TNS3: variants seen among roughly 807,000 people sequenced by gnomAD.
The protein encoded by TNS3 is tensin-3.
TNS3 carries 45 observed loss-of-function variants against 140.9 expected under a neutral mutation model. The observed-to-expected ratio is 0.32, with a 90% CI of 0.25 to 0.41. The LOEUF is 0.41. Among genes scored for constraint, TNS3 ranks in the 10% least tolerant of loss-of-function variants. The pLI, the probability that TNS3 is intolerant of heterozygous loss-of-function variation, is 1.00. For synonymous variants in TNS3, 815 were observed against 788.4 expected (o/e 1.03, Z -0.56); for missense variants, 1,716 against 1,906.7 (o/e 0.90, Z 1.86).
chr7:47,340,777 A>C (rs1788966204), intron 20 of TNS3, among the ~76,000 whole-genome samples: 1 of 151,730 alleles, frequency 6.6e-6, no homozygotes, highest in African/African-American at 2.4e-5. Context: ...GGACAGTTTT[A>C]TTTCTTTCCT....
chr7:47,408,232 T>G (rs1793555538), intron 13 of TNS3, among the ~76,000 whole-genome samples: 1 of 151,892 alleles, frequency 6.6e-6, no homozygotes, highest in Non-Finnish European at 1.5e-5. Flanking sequence ...TCACGGCCCC[T>G]CTCTGCCCTG....
intron 20 of TNS3, among the ~76,000 whole-genome samples, chr7:47,319,407 G>C (rs1787600889): frequency 6.6e-6 from 1 of 152,032 alleles, no homozygotes; most frequent in Non-Finnish European, 1.5e-5. Context: ...GAGTGATAGA[G>C]AGAGAGACAG....
intron 27 of TNS3, among the ~76,000 whole-genome samples, chr7:47,287,086 A>C (rs1008185198): frequency 1.4e-5 from 2 of 145,976 alleles, no homozygotes; most frequent in African/African-American, 5.0e-5. Context: ...TTAAAACTTA[A>C]AGAACATATA....
At chr7:47,455,607 AC>A (rs1197225865) in intron 4 of TNS3, among the ~76,000 whole-genome samples, 22 of 152,272 alleles carry the variant, frequency 1.4e-4, no homozygotes, top group Admixed American at 6.5e-4. Flanking sequence ...GAGGGGAAAG[AC>A]CAGGATGGAC....
At chr7:47,378,451 C>A (rs1420360285) in intron 16 of TNS3, among the ~76,000 whole-genome samples, 1 of 152,170 alleles carries the variant, frequency 6.6e-6, no homozygotes, top group Non-Finnish European at 1.5e-5. Flanking sequence ...TCCCAGGCAC[C>A]AACTTTGCTA....
At chr7:47,470,419 A>T (rs866834906) in intron 4 of TNS3, 3 of 980,016 alleles carry the variant, frequency 3.1e-6, no homozygotes, top group Non-Finnish European at 3.6e-6. Context: ...TCTGTGCCAT[A>T]AAAGAAAAGA....
At chr7:47,355,214 G>T (rs750817017) in intron 17 of TNS3, among the ~76,000 whole-genome samples, 6 of 152,192 alleles carry the variant, frequency 3.9e-5, no homozygotes, top group Non-Finnish European at 8.8e-5. Context: ...TTCACCACAG[G>T]GTGCAAAAGG....
At chr7:47,312,092 TG>T (rs1177371156) in intron 20 of TNS3, among the ~76,000 whole-genome samples, 2 of 152,180 alleles carry the variant, frequency 1.3e-5, no homozygotes, top group Non-Finnish European at 2.9e-5. Flanking sequence ...GTAAATACCA[TG>T]ACCATCTCAA....
At chr7:47,393,279 AAAAG>A (rs1355376838) in intron 16 of TNS3, among the ~76,000 whole-genome samples, 1 of 152,218 alleles carries the variant, frequency 6.6e-6, no homozygotes, top group East Asian at 1.9e-4. Context: ...AAATGTATGT[AAAAG>A]AAAGAAAGAA....
At chr7:47,442,488 T>A (rs1180237892) in intron 4 of TNS3, among the ~76,000 whole-genome samples, 1 of 152,234 alleles carries the variant, frequency 6.6e-6, no homozygotes, top group East Asian at 1.9e-4. Context: ...AAAGAGCCTA[T>A]TCAACAGGGA....
chr7:47,364,338 C>T (rs1438481386), intron 17 of TNS3, among the ~76,000 whole-genome samples: 2 of 141,448 alleles, frequency 1.4e-5, no homozygotes, highest in African/African-American at 5.4e-5. Flanking sequence ...GGCTGGAGTG[C>T]AGTGCACGGT....
In TNS3 at chr7:47,439,474, G is replaced by T. The variant is rs373038536; in HGVS notation, c.150+13C>A. On this transcript the variant is annotated intron_variant, in intron 6 of 30. Coordinates refer to ENST00000311160, the MANE Select transcript of TNS3 (RefSeq NM_022748.12). ...AGCCTGCCCAAAGGCTCCCAGAGCC[G>T]CCCACCGCTCACCAGGTAGTTGTCC... 1.2e-6 allele frequency: 2 copies of T among 1,612,642 alleles called. No homozygotes were observed. The highest frequency in any genetic ancestry group is 1.7e-5 in the Admixed American group (1 of 59,926).
At chr7:47,349,156 C>T (rs1019937567) in intron 17 of TNS3, among the ~76,000 whole-genome samples, 1 of 152,218 alleles carries the variant, frequency 6.6e-6, no homozygotes, top group East Asian at 1.9e-4. Context: ...TCAATTCTCT[C>T]TCTCCCCAAA....
chr7:47,489,573 G>A (rs1797735801), intron 3 of TNS3, among the ~76,000 whole-genome samples: 1 of 152,226 alleles, frequency 6.6e-6, no homozygotes, highest in Non-Finnish European at 1.5e-5. Context: ...TGGCCCACAA[G>A]GCAGGGCCAG....
intron 25 of TNS3, among the ~76,000 whole-genome samples, chr7:47,293,440 C>A (rs1255615247): frequency 6.6e-6 from 1 of 152,196 alleles, no homozygotes; most frequent in Non-Finnish European, 1.5e-5. Flanking sequence ...GGAGCTCCAA[C>A]CTTCTCAGGA....
chr7:47,519,510 A>T (rs1283528016), intron 2 of TNS3, among the ~76,000 whole-genome samples: 1 of 152,150 alleles, frequency 6.6e-6, no homozygotes, highest in Non-Finnish European at 1.5e-5. Flanking sequence ...ACTCATCACC[A>T]TGTAAACCAG....
At chr7:47,461,922 C>T (rs777893673) in intron 4 of TNS3, among the ~76,000 whole-genome samples, 11 of 152,186 alleles carry the variant, frequency 7.2e-5, no homozygotes, top group Non-Finnish European at 1.3e-4. Context: ...AGCTTTCTTA[C>T]ACTCTGAGGA....
chr7:47,339,396 C>A (rs1267135571), intron 20 of TNS3, among the ~76,000 whole-genome samples: 3 of 152,122 alleles, frequency 2.0e-5, no homozygotes, highest in African/African-American at 4.8e-5. Flanking sequence ...GGTGGCTGTT[C>A]ATTGTTTTGC....
At chr7:47,431,088 A>G (rs1794908253) in intron 8 of TNS3, among the ~76,000 whole-genome samples, 1 of 152,208 alleles carries the variant, frequency 6.6e-6, no homozygotes, top group Admixed American at 6.5e-5. Flanking sequence ...ATCTTGGAAA[A>G]TTCACAAGTT....
Sources: allele counts gnomAD v4.1 joint callset (sites outside exome capture counted in the v4.1 genomes callset), GRCh38; gene constraint gnomAD v4.1.1; transcripts MANE v1.5; gene names NCBI Gene and HGNC (gene_info 2026-07-23, HGNC 2026-07-21).